COG2: variants seen among roughly 807,000 people sequenced by gnomAD.
COG2 encodes the protein component of oligomeric golgi complex 2.
A neutral mutation model predicts 90.6 loss-of-function variants in COG2; 52 were observed. The ratio of observed to expected loss-of-function variants is 0.57; its 90% confidence interval spans 0.46 to 0.72. The LOEUF (loss-of-function observed/expected upper bound fraction) is 0.72, where lower values mean the gene tolerates loss of function less well. COG2 is among the 30% of genes least tolerant of loss of function. The probability of loss-of-function intolerance (pLI) is 0.00; values close to 1 mark genes in which losing one functional copy is unlikely to be tolerated. For missense variants in COG2, 829 were observed against 891.2 expected, an observed-to-expected ratio of 0.93 and a Z score of 0.89; for synonymous variants, 337 against 320.4, an observed-to-expected ratio of 1.05 and a Z score of -0.55.
chr1:230,662,612 G>A (rs1368218672), intron 3 of COG2, among the ~76,000 whole-genome samples: 2 of 152,118 alleles, frequency 1.3e-5, no homozygotes, highest in Non-Finnish European at 2.9e-5. Flanking sequence ...AAAATGTGTA[G>A]AATCTGGTCT....
At chr1:230,686,889 T>G in intron 12 of COG2, 46 bp from the exon 13 acceptor site, 1 of 1,246,792 alleles carries the variant, frequency 8.0e-7, no homozygotes, top group South Asian at 1.7e-5. Context: ...AATGCTCATG[T>G]ATCTTGCTAG....
intron 10 of COG2, 119 bp downstream of exon 10, chr1:230,679,171 G>A: frequency 1.0e-6 from 1 of 985,720 alleles, no homozygotes; most frequent in Non-Finnish European, 1.4e-6. Context: ...TAAGCTTTGG[G>A]AGACAAAATT....
At chr1:230,653,414 T>C (rs1661964525) in intron 1 of COG2, among the ~76,000 whole-genome samples, 2 of 151,852 alleles carry the variant, frequency 1.3e-5, no homozygotes, top group Non-Finnish European at 2.9e-5. Flanking sequence ...AGAGATGGGG[T>C]TTCGCCGTGT....
chr1:230,645,432 G>GA (rs752202141), intron 1 of COG2, among the ~76,000 whole-genome samples: 148 of 152,118 alleles, frequency 9.7e-4, no homozygotes, highest in Admixed American at 2.2e-3. Flanking sequence ...GTGTTTTACA[G>GA]AAAAAATAGA....
intron 6 of COG2, 137 bp downstream of exon 6, chr1:230,668,921 C>T (rs987055163): frequency 1.3e-5 from 7 of 539,456 alleles, no homozygotes; most frequent in African/African-American, 2.0e-5. Flanking sequence ...ATTTTTTGGG[C>T]GCCAGCTTCC....
Position 230,678,987 on chromosome 1 carries a change from A to G in COG2, c.1101A>G (p.Leu367=). 1 of 1,613,820 alleles carries G rather than the reference A, an allele frequency of 6.2e-7. No homozygotes were observed. Among genetic ancestry groups the G allele is most frequent in the Non-Finnish European group, 8.5e-7 (1 of 1,179,772 alleles). Residue 367 remains leucine (L), a synonymous_variant, in exon 10 of 18, where the codon TTA becomes TTG. Transcript: ENST00000366669. The part of the protein sequence containing the change: ...QCGSQASVKR[L]RAHPAYHSFN... Reference sequence around the variant, plus strand: ...GATCACAGGCTAGTGTAAAGAGATTAAGAGCCCATCCTGCCTATCACAGCT... The same window carrying G: ...GATCACAGGCTAGTGTAAAGAGATTGAGAGCCCATCCTGCCTATCACAGCT...
intron 1 of COG2, among the ~76,000 whole-genome samples, chr1:230,656,569 G>A (rs1248064152): frequency 6.6e-6 from 1 of 152,220 alleles, no homozygotes; most frequent in Non-Finnish European, 1.5e-5. Flanking sequence ...TTGGGGTGGA[G>A]AGTTCTGTAG....
intron 9 of COG2, chr1:230,678,530 T>C (rs1277393323): frequency 5.1e-6 from 5 of 985,292 alleles, no homozygotes; most frequent in Non-Finnish European, 6.0e-6. Flanking sequence ...TCTTTCTTCT[T>C]CAGAATTTTC....
chr1:230,685,883 C>T (rs1216078386), intron 12 of COG2, among the ~76,000 whole-genome samples: 1 of 152,154 alleles, frequency 6.6e-6, no homozygotes, highest in East Asian at 1.9e-4. Context: ...AACAGACACT[C>T]AGGTAAACCA....
At chr1:230,646,043 C>T (rs1661768487) in intron 1 of COG2, among the ~76,000 whole-genome samples, 1 of 152,028 alleles carries the variant, frequency 6.6e-6, no homozygotes, top group South Asian at 2.1e-4. Context: ...GGATCCGGTG[C>T]CCTCTCCCTT....
chr1:230,659,522 A>G lies in COG2; in HGVS notation c.131A>G (p.Glu44Gly). The change falls in exon 2 of 18, where the codon GAA becomes GGA. Residue 44 changes from glutamate (E) to glycine (G), a missense_variant. Transcript: ENST00000366669. The part of the protein sequence containing the change: ...SDCRKRVQLE[E>G]LRDDLELYYK... ...TGTAGGAAGCGGGTCCAGCTGGAAG[A>G]ACTGAGAGATGACCTGGAGCTCTAC... The G allele has an allele frequency of 6.2e-7, 1 of 1,613,992 alleles. No homozygotes were observed. The highest frequency in any genetic ancestry group is 8.5e-7 in the Non-Finnish European group (1 of 1,179,842).
At chr1:230,691,333 G>A (rs748058429) in intron 16 of COG2, 51 bp from the exon 17 acceptor site, 35 of 1,480,270 alleles carry the variant, frequency 2.4e-5, no homozygotes, top group African/African-American at 5.7e-5. Context: ...ACTCTATTTG[G>A]TGTTACACAC....
chr1:230,659,409 T>C (rs1361232160), intron 1 of COG2, 55 bp from the exon 2 acceptor site: 1 of 1,356,774 alleles, frequency 7.4e-7, no homozygotes, highest in East Asian at 2.3e-5. Context: ...TTCATTTGTA[T>C]ATGTCACTGT....
chr1:230,671,367 T>G (rs1187922541), intron 7 of COG2, 149 bp from the exon 8 acceptor site: 1 of 613,194 alleles, frequency 1.6e-6, no homozygotes, highest in African/African-American at 1.9e-5. Flanking sequence ...GACCTGTTAT[T>G]TACTTCACTG....
In COG2 at chr1:230,659,454, T is replaced by C. The variant is rs149710367; in HGVS notation, c.73-10T>C. ...GCTATAATTTTTTCTTCTCTGGTTT[T>C]ATTTTTCAGGAAGATTTCGATGTCG... On this transcript the variant is annotated splice_polypyrimidine_tract_variant and intron_variant, in intron 1 of 17. Coordinates refer to ENST00000366669, the MANE Select transcript of COG2 (RefSeq NM_007357.3). 2.9e-5 allele frequency: 47 copies of C among 1,612,298 alleles called. No homozygotes were observed. In the African/African-American group the frequency reaches 6.0e-4, roughly 21 times the overall value.
intron 1 of COG2, among the ~76,000 whole-genome samples, chr1:230,643,575 CT>C (rs549964960): frequency 2.7e-3 from 340 of 123,814 alleles, no homozygotes; most frequent in South Asian, 5.9e-3. Context: ...CTCTGCCTTT[CT>C]TGGTGACATA....
intron 9 of COG2, among the ~76,000 whole-genome samples, chr1:230,676,862 C>T (rs1662613120): frequency 6.6e-6 from 1 of 152,016 alleles, no homozygotes; most frequent in Admixed American, 6.6e-5. Flanking sequence ...ATTAAGTTAG[C>T]CGTTAATTTA....
intron 1 of COG2, among the ~76,000 whole-genome samples, chr1:230,653,530 T>C (rs987855837): frequency 2.4e-4 from 36 of 152,286 alleles, no homozygotes; most frequent in Non-Finnish European, 4.3e-4. Context: ...CAGAGTTTGA[T>C]TCTACTAAAG....
chr1:230,687,609 C>T (rs1192604675), intron 13 of COG2, among the ~76,000 whole-genome samples: 1 of 152,106 alleles, frequency 6.6e-6, no homozygotes, highest in Non-Finnish European at 1.5e-5. Context: ...CCTCTTTTTT[C>T]TCTGTATAGA....
Sources: gnomAD v4.1 joint callset for allele counts (sites outside exome capture counted in the v4.1 genomes callset) on GRCh38, gnomAD v4.1.1 for gene constraint, MANE v1.5 for transcripts, NCBI Gene and HGNC (gene_info 2026-07-23, HGNC 2026-07-21) for gene names.